NRXN1: variants seen among roughly 807,000 people sequenced by gnomAD.
The protein encoded by NRXN1 is neurexin-1.
Under a neutral mutation model 150.9 loss-of-function variants are expected in NRXN1, and 39 were observed. The observed-to-expected ratio is 0.26, with a 90% confidence interval of 0.20 to 0.34. The LOEUF is 0.34. Among genes scored for constraint, NRXN1 ranks in the 10% least tolerant of loss-of-function variants. NRXN1 has a pLI of 1.00. For missense variants in NRXN1, 1,815 were observed against 1,949.9 expected (o/e 0.93, Z 1.30); for synonymous variants, 924 against 757.0 (o/e 1.22, Z -3.62).
At chr2:50,664,396 CGT>C (rs35702112) in intron 5 of NRXN1, among the ~76,000 whole-genome samples, 14,093 of 107,910 alleles carry the variant, frequency 0.13, 780 homozygotes, top group Non-Finnish European at 0.15. Context: ...AAGTTTAAAG[CGT>C]GTGTGTGTGT....
intron 17 of NRXN1, among the ~76,000 whole-genome samples, chr2:50,301,658 A>G (rs936491494): frequency 1.4e-4 from 21 of 152,184 alleles, no homozygotes; most frequent in African/African-American, 4.8e-4. Flanking sequence ...GCCAGTTTCT[A>G]GCATCTCTGA....
At chr2:50,471,742 T>G (rs2089486552) in intron 16 of NRXN1, among the ~76,000 whole-genome samples, 1 of 150,732 alleles carries the variant, frequency 6.6e-6, no homozygotes, top group African/African-American at 2.4e-5. Flanking sequence ...GGGTGGAGAG[T>G]GTGAGGATGG....
At chr2:50,048,562 C>A (rs1692197860) in intron 21 of NRXN1, among the ~76,000 whole-genome samples, 1 of 152,056 alleles carries the variant, frequency 6.6e-6, no homozygotes, top group African/African-American at 2.4e-5. Flanking sequence ...AAATAATATT[C>A]ATTTTTCATG....
chr2:50,251,275 T>A (rs1473996600), intron 17 of NRXN1, among the ~76,000 whole-genome samples: 1 of 152,096 alleles, frequency 6.6e-6, no homozygotes, highest in Non-Finnish European at 1.5e-5. Flanking sequence ...ACTGAGAACG[T>A]GCACTGTTTG....
At position 50,224,671 on chromosome 2, in the gene NRXN1, TAAAGAGAGAGAGAGAGGGAG is replaced by T. The variant is rs1389394062; in HGVS notation, c.3546+12098_3546+12117del. The stretch of plus-strand genomic sequence containing the variant: ...GTTAGAGGTTGGCACAGCAGAAGAT[TAAAGAGAGAGAGAGAGGGAG>T]AAAGAGAGAGAGAGAGAGAGAGAGA... On this transcript the variant is annotated intron_variant, in intron 18 of 22. Coordinates refer to ENST00000401669, the MANE Select transcript of NRXN1 (RefSeq NM_001330078.2). 8.7e-3 allele frequency among the ~76,000 whole-genome samples: 1,145 copies of T among 130,868 alleles called. 13 individuals carry two copies. Among genetic ancestry groups the T allele is most frequent in the African/African-American group, 0.031 (1,084 of 34,700 alleles). 85.9% of individuals were successfully genotyped at this position (130,868 alleles called of 152,430 possible). A position where few individuals can be genotyped will look rare whatever the true frequency, so the allele number is the denominator to read the frequency against.
In NRXN1 at chr2:50,045,160, CA is replaced by C. The variant is rs1691616011; in HGVS notation, c.4128+8110del. ...CTGGAGAACTTTTCAGTGATACCAA[CA>C]ACAACAACAACAACAACAACAACAA... On this transcript the variant is annotated intron_variant, in intron 21 of 22. Transcript: ENST00000401669. Among the ~76,000 whole-genome samples the C allele has an allele frequency of 1.2e-4, 3 of 24,328 alleles. No individual in the cohort carries two copies. In the Admixed American group the frequency reaches 1.4e-3, roughly 11 times the overall value. 16.0% of individuals were successfully genotyped at this position (24,328 alleles called of 152,430 possible).
chr2:50,783,240 C>T (rs1266333560), intron 5 of NRXN1, among the ~76,000 whole-genome samples: 1 of 152,104 alleles, frequency 6.6e-6, no homozygotes, highest in Non-Finnish European at 1.5e-5. Context: ...TCTCCTAAAG[C>T]CTACATCGCA....
In NRXN1 at chr2:49,926,944, C is replaced by A. The variant is rs772681780; in HGVS notation, c.4217-4693G>T. ...TGCACCCTCTGTTGCTTCCTCCATT[C>A]TCCTCTGTATTTCTCCTCCCACTTA... On this transcript the variant is annotated intron_variant, in intron 22 of 22. Coordinates refer to ENST00000401669, the MANE Select transcript of NRXN1 (RefSeq NM_001330078.2). 2.6e-5 allele frequency among the ~76,000 whole-genome samples: 4 copies of A among 152,158 alleles called. No individual in the cohort carries two copies. In the South Asian group the frequency reaches 8.3e-4, roughly 32 times the overall value.
At chr2:50,236,722 T>C in intron 18 of NRXN1, 67 bp downstream of exon 18, 1 of 1,496,408 alleles carries the variant, frequency 6.7e-7, no homozygotes, top group Non-Finnish European at 9.3e-7. Flanking sequence ...AGAAGCAAAA[T>C]TATAAATTCT....
chr2:50,300,883 A>AG (rs1238851550), intron 17 of NRXN1, among the ~76,000 whole-genome samples: 1 of 152,014 alleles, frequency 6.6e-6, no homozygotes, highest in South Asian at 2.1e-4. Context: ...TGTATTAGAG[A>AG]GGGGGTTTCA....
chr2:50,252,685 C>A (rs1257534016), intron 17 of NRXN1, among the ~76,000 whole-genome samples: 3 of 152,030 alleles, frequency 2.0e-5, no homozygotes, highest in Non-Finnish European at 4.4e-5. Context: ...GAATCCTTTC[C>A]CCATTGCATC....
At position 50,396,581 on chromosome 2, in the gene NRXN1, C is replaced by T. The variant is rs564690244; in HGVS notation, c.3364+68861G>A. The stretch of plus-strand genomic sequence containing the variant: ...GTTATGAGGAATTGTGGTCAAAAAA[C>T]GAGAACTTCTTTTTGGTGTTAACAG... On this transcript the variant is annotated intron_variant, in intron 17 of 22. Coordinates refer to ENST00000401669, the MANE Select transcript of NRXN1 (RefSeq NM_001330078.2). Among the ~76,000 whole-genome samples, 3 of 152,136 alleles carry T rather than the reference C, an allele frequency of 2.0e-5. No individual in the cohort carries two copies. In the South Asian group the frequency reaches 6.2e-4, roughly 32 times the overall value.
intron 5 of NRXN1, among the ~76,000 whole-genome samples, chr2:50,657,123 ATAC>A (rs887742940): frequency 1.4e-4 from 21 of 151,988 alleles, no homozygotes; most frequent in African/African-American, 5.1e-4. Flanking sequence ...CCGTAACTCT[ATAC>A]AATCTGGTCC....
intron 2 of NRXN1, among the ~76,000 whole-genome samples, chr2:50,952,518 C>T (rs1691560341): frequency 6.6e-6 from 1 of 151,920 alleles, no homozygotes; most frequent in South Asian, 2.1e-4. Flanking sequence ...TAACTTGCTA[C>T]ATGGTAGGCA....
At chr2:50,268,398 C>A (rs1226919235) in intron 17 of NRXN1, among the ~76,000 whole-genome samples, 1 of 152,104 alleles carries the variant, frequency 6.6e-6, no homozygotes, top group African/African-American at 2.4e-5. Flanking sequence ...TAGTACTACA[C>A]CCAACAGTGA....
rs372718897 is a variant in NRXN1 at position 50,385,668 on chromosome 2, CT to C, written c.3364+79773del. Among the ~76,000 whole-genome samples the C allele has an allele frequency of 9.2e-5, 14 of 152,256 alleles. No homozygotes were observed. The East Asian group carries it at 2.7e-3, about 29-fold the overall frequency. On this transcript the variant is annotated intron_variant, in intron 17 of 22. Coordinates refer to ENST00000401669, the MANE Select transcript of NRXN1 (RefSeq NM_001330078.2). The stretch of plus-strand genomic sequence containing the variant: ...TTCTAGGAAACTTTCCAAGCTTGTT[CT>C]CACACAGCCTAAGAGCTGCCTTTTT...
chr2:50,121,338 T>A lies in NRXN1; in HGVS notation c.3547-29844A>T, dbSNP rs952374154. On this transcript the variant is annotated intron_variant, in intron 18 of 22. Coordinates refer to ENST00000401669, the MANE Select transcript of NRXN1 (RefSeq NM_001330078.2). ...CCACTGCGCCCAGCCTTATTTCACC[T>A]CATTTAATCCTTACAATTACTTTAA... 2.0e-5 allele frequency among the ~76,000 whole-genome samples: 3 copies of A among 152,318 alleles called. No individual in the cohort carries two copies. In the East Asian group the frequency reaches 5.8e-4, roughly 29 times the overall value.
intron 21 of NRXN1, among the ~76,000 whole-genome samples, chr2:50,039,652 A>G (rs903241276): frequency 6.6e-6 from 1 of 152,208 alleles, no homozygotes; most frequent in Non-Finnish European, 1.5e-5. Context: ...TAAAGAACAG[A>G]AGATACACAT....
At chr2:50,326,109 C>T (rs117764746) in intron 17 of NRXN1, among the ~76,000 whole-genome samples, 1,964 of 151,942 alleles carry the variant, frequency 0.013, 16 homozygotes, top group East Asian at 0.018. Flanking sequence ...AAATAAGACA[C>T]GATTTTGTTT....
Sources: allele counts gnomAD v4.1 joint callset (sites outside exome capture counted in the v4.1 genomes callset), GRCh38; gene constraint gnomAD v4.1.1; transcripts MANE v1.5; gene names NCBI Gene and HGNC (gene_info 2026-07-23, HGNC 2026-07-21).